Variants in TGM5 observed in about 807,000 individuals in gnomAD.
TGM5 encodes protein-glutamine gamma-glutamyltransferase 5.
TGM5 carries 69 observed loss-of-function variants against 77.2 expected under a neutral mutation model. The observed-to-expected ratio is 0.89, with a 90% CI of 0.74 to 1.09. The LOEUF (loss-of-function observed/expected upper bound fraction) is 1.09, where lower values mean the gene tolerates loss of function less well. Ranked by LOEUF, TGM5 falls within the 50% of genes least tolerant of loss-of-function variation. TGM5 has a pLI of 0.00. For missense variants in TGM5, 842 were observed against 896.5 expected, an observed-to-expected ratio of 0.94 and a Z score of 0.78; for synonymous variants, 346 against 351.8, an observed-to-expected ratio of 0.98 and a Z score of 0.18.
Position 43,260,160 on chromosome 15 carries a change from C to A in TGM5, c.328G>T (p.Ala110Ser). The A allele has an allele frequency of 1.2e-6, 2 of 1,614,170 alleles. No individual in the cohort carries two copies. Residue 110 changes from alanine to serine, a missense_variant, in exon 3 of 13, where the codon GCG (alanine) becomes TCG (serine). By Grantham distance (99) the Ala-to-Ser change is moderately conservative (BLOSUM62 1). This residue lies in a region of TGM5 where 815 missense variants were observed against 844.6 expected (regional missense o/e 0.96). Coordinates refer to ENST00000220420, the MANE Select transcript of TGM5 (RefSeq NM_201631.4). The part of the protein sequence containing the change: ...TEVSLCAPPT[A>S]AVGRYLLKIH... ...TTCAAGAGGTACCGACCCACGGCCG[C>A]CGTGGGAGGAGCGCACAAGCTCACC...
At chr15:43,241,026 G>A in intron 6 of TGM5, 36 bp from the exon 7 acceptor site, 4 of 1,613,918 alleles carry the variant, frequency 2.5e-6, no homozygotes, top group Non-Finnish European at 3.4e-6. Context: ...CCTGTGAGCT[G>A]TAGATTCCGG....
At position 43,239,065 on chromosome 15, in the gene TGM5, G is replaced by C. The variant is rs371121821; in HGVS notation, c.1106-9C>G. ...GCCACAGCAGTAGACGCCTGAAGGA[G>C]AACAGGGGAGCCTCGGTGGGCTGTT... On this transcript the variant is annotated splice_polypyrimidine_tract_variant and intron_variant, in intron 8 of 12. Transcript: ENST00000220420. 3.7e-6 allele frequency: 6 copies of C among 1,613,448 alleles called. No individual in the cohort carries two copies. The highest frequency in any genetic ancestry group is 5.1e-6 in the Non-Finnish European group (6 of 1,179,718).
rs2042568066 is a variant in TGM5 at position 43,233,966 on chromosome 15, CAGACCTTTACGAGCCTGGAGAGG to C, written c.1876-302_1876-280del. ...AAAGGCTGATCACCAGAGATGCCTT[CAGACCTTTACGAGCCTGGAGAGG>C]GCACCAGAGGAATCTACACAACAAA... On this transcript the variant is annotated intron_variant, in intron 11 of 12. Coordinates refer to ENST00000220420, the MANE Select transcript of TGM5 (RefSeq NM_201631.4). 6.6e-5 allele frequency among the ~76,000 whole-genome samples: 10 copies of C among 152,302 alleles called. No homozygotes were observed. The South Asian group carries it at 2.1e-3, about 32-fold the overall frequency.
At chr15:43,263,018 C>A (rs546105828) in intron 1 of TGM5, among the ~76,000 whole-genome samples, 3 of 152,308 alleles carry the variant, frequency 2.0e-5, no homozygotes, top group African/African-American at 7.2e-5. Context: ...TAAATGAATT[C>A]AGCAAGGTTG....
chr15:43,260,342 C>T (rs1019110642), intron 2 of TGM5, 45 bp from the exon 3 acceptor site: 1 of 1,614,178 alleles, frequency 6.2e-7, no homozygotes, highest in Non-Finnish European at 8.5e-7. Flanking sequence ...GACCTCCAAA[C>T]CCCCGAAAAT....
At chr15:43,252,697 G>A in intron 6 of TGM5, 62 bp downstream of exon 6, 1 of 1,588,830 alleles carries the variant, frequency 6.3e-7, no homozygotes, top group Non-Finnish European at 8.6e-7. Context: ...GAATGGTTCA[G>A]AAGGCTCATA....
chr15:43,237,240 C>T (rs1267119531), intron 9 of TGM5, among the ~76,000 whole-genome samples: 1 of 152,236 alleles, frequency 6.6e-6, no homozygotes, highest in Non-Finnish European at 1.5e-5. Flanking sequence ...TCCACAGGCC[C>T]TACTTTTCAA....
chr15:43,254,902 A>T (rs1451555856), intron 4 of TGM5, among the ~76,000 whole-genome samples: 11 of 152,118 alleles, frequency 7.2e-5, no homozygotes, highest in Admixed American at 7.2e-4. Flanking sequence ...CATATTCATG[A>T]TAAGTGACCT....
chr15:43,241,034 C>T (rs75796979), intron 6 of TGM5, 44 bp from the exon 7 acceptor site: 188 of 1,613,652 alleles, frequency 1.2e-4, no homozygotes, highest in Non-Finnish European at 1.4e-4. Flanking sequence ...CTGTAGATTC[C>T]GGACCCGTAT....
chr15:43,243,810 T>G (rs1435071572), intron 6 of TGM5, among the ~76,000 whole-genome samples: 1 of 152,200 alleles, frequency 6.6e-6, no homozygotes, highest in African/African-American at 2.4e-5. Context: ...GGTCTTCCTT[T>G]CTAGTCAAGG....
At chr15:43,265,135 A>G (rs771036757) in intron 1 of TGM5, among the ~76,000 whole-genome samples, 4 of 152,204 alleles carry the variant, frequency 2.6e-5, no homozygotes, top group Non-Finnish European at 5.9e-5. Flanking sequence ...GCATCCTTGC[A>G]GGGACAAAAT....
At chr15:43,237,870 G>A (rs1240895298) in intron 9 of TGM5, among the ~76,000 whole-genome samples, 1 of 152,138 alleles carries the variant, frequency 6.6e-6, no homozygotes, top group Non-Finnish European at 1.5e-5. Context: ...TCTGCTCCAG[G>A]ATTTCCAGGA....
intron 9 of TGM5, among the ~76,000 whole-genome samples, chr15:43,236,323 T>G (rs781473655): frequency 5.3e-5 from 8 of 152,162 alleles, no homozygotes; most frequent in Non-Finnish European, 1.2e-4. Flanking sequence ...GCCAGATTAT[T>G]GGTCAGGCAT....
At chr15:43,238,711 A>G (rs2042608942) in intron 9 of TGM5, 106 bp downstream of exon 9, 4 of 1,522,712 alleles carry the variant, frequency 2.6e-6, no homozygotes, top group Non-Finnish European at 3.5e-6. Context: ...ACAGCTGAGG[A>G]GACAGTGGGG....
In TGM5 at chr15:43,233,645, C is replaced by T; in HGVS notation, c.1918G>A (p.Val640Met). The T allele has an allele frequency of 6.2e-7, 1 of 1,614,184 alleles. No individual in the cohort carries two copies. The highest frequency in any genetic ancestry group is 8.5e-7 in the Non-Finnish European group (1 of 1,180,032). ...AVVNQPLSIQ[V>M]IFSNPLSEQV... Reference sequence around the variant, plus strand: ...TCCGAGAGGGGGTTTGAAAATATCACCTGTATGGAGAGTGGCTGGTTCACA... The same window carrying T: ...TCCGAGAGGGGGTTTGAAAATATCATCTGTATGGAGAGTGGCTGGTTCACA... The change falls in exon 12 of 13, where the codon GTG becomes ATG. Residue 640 changes from valine to methionine, a missense_variant. By Grantham distance (21) the Val-to-Met change is conservative. This residue lies in a region of TGM5 where 815 missense variants were observed against 844.6 expected (regional missense o/e 0.96). Coordinates refer to ENST00000220420, the MANE Select transcript of TGM5 (RefSeq NM_201631.4).
intron 7 of TGM5, 193 bp from the exon 8 acceptor site, chr15:43,239,459 A>C (rs2142358967): frequency 1.6e-6 from 1 of 641,140 alleles, no homozygotes; most frequent in Admixed American, 2.3e-5. Flanking sequence ...AGGTGAGAGG[A>C]TTGCTTGAGC....
intron 3 of TGM5, among the ~76,000 whole-genome samples, chr15:43,258,066 C>T (rs1296636819): frequency 4.6e-5 from 7 of 151,828 alleles, no homozygotes; most frequent in Non-Finnish European, 1.0e-4. Context: ...CATCACACAC[C>T]AGGGCCTGTC....
At position 43,239,221 on chromosome 15, in the gene TGM5, C is replaced by G; in HGVS notation, c.1047G>C (p.Leu349=). Residue 349 remains leucine, a synonymous_variant, in exon 8 of 13, where the codon CTG becomes CTC. Coordinates refer to ENST00000220420, the MANE Select transcript of TGM5 (RefSeq NM_201631.4). ...WNECWMARKD[L]PPAYGGWQVL... ...CCTGCCAGCCTCCATATGCAGGGGG[C>G]AGATCCTTCCGGGCCATCCAGCACT... 6.2e-7 allele frequency: 1 copy of G among 1,614,166 alleles called. No individual in the cohort carries two copies. Among genetic ancestry groups the G allele is most frequent in the Non-Finnish European group, 8.5e-7 (1 of 1,180,018 alleles).
rs756690868 is a variant in TGM5 at position 43,234,954 on chromosome 15, G to C, written c.1715-25C>G. The C allele has an allele frequency of 1.5e-5, 24 of 1,612,864 alleles. No individual in the cohort carries two copies. In the Middle Eastern group the frequency reaches 4.9e-4, roughly 33 times the overall value. ...GCTAAAGAAAGAACACAAGGATGGG[G>C]TGAGAGTAGCTGAGAAAATCAGCCG... is the stretch of plus-strand genomic sequence containing the variant. On this transcript the variant is annotated intron_variant, in intron 10 of 12. Transcript: ENST00000220420.
Sources: gnomAD v4.1 joint callset for allele counts (sites outside exome capture counted in the v4.1 genomes callset) on GRCh38, gnomAD v4.1.1 for gene constraint, gnomAD v4.1.1 regional missense constraint, MANE v1.5 for transcripts, NCBI Gene and HGNC (gene_info 2026-07-23, HGNC 2026-07-21) for gene names.